SNAP25: variants seen among roughly 807,000 people sequenced by gnomAD.
The protein encoded by SNAP25 is synaptosome associated protein 25.
Under a neutral mutation model 28.7 loss-of-function variants are expected in SNAP25, and 3 were observed. The observed-to-expected ratio is 0.10, with a 90% confidence interval of 0.05 to 0.27. The LOEUF is 0.27. Ranked by LOEUF, SNAP25 falls within the 10% of genes least tolerant of loss-of-function variation. SNAP25 has a pLI of 1.00. For synonymous variants in SNAP25, 61 were observed against 88.1 expected (o/e 0.69, Z 1.72); for missense variants, 117 against 278.7 (o/e 0.42, Z 4.13).
rs539122970 is a variant in SNAP25, at chr20:10,264,990, C to T, written c.-63-10439C>T. On this transcript the variant is annotated intron_variant, in intron 1 of 7. Transcript: ENST00000254976. ...AGACTGGAGTGCAGTGGCGCGATCTCGGCTTACTAAGAGGCCCTGTTATGA... is the reference window on the plus strand; with the variant it reads ...AGACTGGAGTGCAGTGGCGCGATCTTGGCTTACTAAGAGGCCCTGTTATGA... Among the ~76,000 whole-genome samples the T allele has an allele frequency of 1.1e-3, 166 of 147,954 alleles. 1 individual carries two copies. Among genetic ancestry groups the T allele is most frequent in the Non-Finnish European group, 1.4e-3 (96 of 67,740 alleles).
chr20:10,262,279 A>T (rs567314902), intron 1 of SNAP25, among the ~76,000 whole-genome samples: 2 of 152,120 alleles, frequency 1.3e-5, no homozygotes, highest in South Asian at 2.1e-4. Context: ...CACTATTTTG[A>T]TGTTTGCCAT....
At chr20:10,292,885 A>T in intron 4 of SNAP25, 1 of 1,601,156 alleles carries the variant, frequency 6.2e-7, no homozygotes, top group Middle Eastern at 1.7e-4. Context: ...TAACCAGAAC[A>T]ACTCGATCGT....
intron 1 of SNAP25, among the ~76,000 whole-genome samples, chr20:10,268,599 C>T (rs2063543600): frequency 6.6e-6 from 1 of 152,160 alleles, no homozygotes; most frequent in African/African-American, 2.4e-5. Flanking sequence ...ACTCACCTCT[C>T]TTCCTGGGCC....
At chr20:10,286,445 G>T (rs959907525) in intron 4 of SNAP25, among the ~76,000 whole-genome samples, 1 of 152,158 alleles carries the variant, frequency 6.6e-6, no homozygotes, top group Non-Finnish European at 1.5e-5. Context: ...AAGTAGATGG[G>T]TACTGCTCTG....
chr20:10,246,382 G>A (rs1047834323), intron 1 of SNAP25, among the ~76,000 whole-genome samples: 4 of 152,024 alleles, frequency 2.6e-5, no homozygotes, highest in Admixed American at 2.6e-4. Flanking sequence ...AGAGGGAGGG[G>A]AATTGCACTT....
chr20:10,297,073 T>C (rs201040728), intron 6 of SNAP25, 23 bp downstream of exon 6: 1 of 1,540,228 alleles, frequency 6.5e-7, no homozygotes, highest in Non-Finnish European at 8.7e-7. Flanking sequence ...CAGCATACAC[T>C]GTAGCAGTTC....
chr20:10,227,858 T>C (rs2062760550), intron 1 of SNAP25, among the ~76,000 whole-genome samples: 1 of 152,142 alleles, frequency 6.6e-6, no homozygotes, highest in Middle Eastern at 3.2e-3. Context: ...GTGGGGTAGA[T>C]TTATGGCTTT....
chr20:10,247,054 A>G (rs2063141704), intron 1 of SNAP25, among the ~76,000 whole-genome samples: 3 of 152,198 alleles, frequency 2.0e-5, no homozygotes, highest in Admixed American at 2.0e-4. Flanking sequence ...ACAGATGTCA[A>G]CTATGGTGTT....
intron 1 of SNAP25, among the ~76,000 whole-genome samples, chr20:10,256,814 G>A (rs1229843269): frequency 6.6e-6 from 1 of 152,142 alleles, no homozygotes; most frequent in Non-Finnish European, 1.5e-5. Context: ...AGTAACAGGA[G>A]ATTAGCCAAA....
intron 1 of SNAP25, among the ~76,000 whole-genome samples, chr20:10,235,197 C>A (rs2122696351): frequency 6.6e-6 from 1 of 152,250 alleles, no homozygotes; most frequent in Middle Eastern, 3.4e-3. Flanking sequence ...CATGTCACTG[C>A]ACTCCAGCCT....
intron 3 of SNAP25, among the ~76,000 whole-genome samples, chr20:10,283,543 A>G (rs1345047700): frequency 6.6e-6 from 1 of 152,254 alleles, no homozygotes. Flanking sequence ...CACGTTCTCT[A>G]AAATGGTGAG....
intron 7 of SNAP25, among the ~76,000 whole-genome samples, chr20:10,304,018 AT>A (rs1394627325): frequency 3.9e-5 from 6 of 152,232 alleles, no homozygotes; most frequent in African/African-American, 1.4e-4. Context: ...GGTAACAATA[AT>A]TGCAAGATAA....
intron 6 of SNAP25, 72 bp from the exon 7 acceptor site, chr20:10,299,196 T>G (rs1180727989): frequency 1.3e-6 from 2 of 1,532,996 alleles, no homozygotes; most frequent in Admixed American, 3.7e-5. Flanking sequence ...AGATTTCCAC[T>G]ATGCTTTGGG....
chr20:10,232,899 C>T (rs983505463), intron 1 of SNAP25, among the ~76,000 whole-genome samples: 5 of 152,038 alleles, frequency 3.3e-5, no homozygotes, highest in Admixed American at 6.6e-5. Flanking sequence ...GCCCCTTTCC[C>T]GCAATAACAT....
intron 1 of SNAP25, among the ~76,000 whole-genome samples, chr20:10,255,156 C>A (rs896308425): frequency 2.6e-5 from 4 of 152,144 alleles, no homozygotes; most frequent in Admixed American, 2.6e-4. Flanking sequence ...TCCCAGGGTC[C>A]AAGTGGGCCC....
At chr20:10,254,639 C>A (rs774511850) in intron 1 of SNAP25, among the ~76,000 whole-genome samples, 1 of 152,140 alleles carries the variant, frequency 6.6e-6, no homozygotes, top group Non-Finnish European at 1.5e-5. Flanking sequence ...GAGCAGTTTG[C>A]CCTATCCTGA....
rs887734349 is a variant in SNAP25, at chr20:10,222,038, G to A, written c.-64+3061G>A. ...AAAAATCTGTGTTTTAAGCCTCAGC[G>A]CTGGATACTTTCTGCAATGTCATCC... is the stretch of plus-strand genomic sequence containing the variant. On this transcript the variant is annotated intron_variant, in intron 1 of 7. Coordinates refer to ENST00000254976, the MANE Select transcript of SNAP25 (RefSeq NM_130811.4). Among the ~76,000 whole-genome samples, 6 of 152,288 alleles carry A rather than the reference G, an allele frequency of 3.9e-5. No homozygotes were observed. The South Asian group carries it at 1.2e-3, about 32-fold the overall frequency.
chr20:10,241,526 T>C (rs768072921), intron 1 of SNAP25, among the ~76,000 whole-genome samples: 2 of 151,948 alleles, frequency 1.3e-5, no homozygotes, highest in Admixed American at 6.6e-5. Flanking sequence ...GTCAGACAGA[T>C]GGACAAGAAA....
chr20:10,258,418 T>G (rs928060139), intron 1 of SNAP25, among the ~76,000 whole-genome samples: 6 of 152,208 alleles, frequency 3.9e-5, no homozygotes, highest in Non-Finnish European at 8.8e-5. Context: ...TTGAAAACTA[T>G]CCATGATCAA....
Sources: gnomAD v4.1 joint callset for allele counts (sites outside exome capture counted in the v4.1 genomes callset) on GRCh38, gnomAD v4.1.1 for gene constraint, MANE v1.5 for transcripts, NCBI Gene and HGNC (gene_info 2026-07-23, HGNC 2026-07-21) for gene names.